Variants in GALNTL6 observed in about 807,000 individuals in gnomAD.
The protein encoded by GALNTL6 is polypeptide N-acetylgalactosaminyltransferase-like 6.
A neutral mutation model predicts 73.7 loss-of-function variants in GALNTL6; 46 were observed. The observed-to-expected ratio is 0.62, with a 90% CI of 0.49 to 0.80. The LOEUF (loss-of-function observed/expected upper bound fraction) is 0.80. GALNTL6 is among the 30% of genes least tolerant of loss of function. The pLI is 0.00. For synonymous variants in GALNTL6, 259 were observed against 263.7 expected (o/e 0.98, Z 0.17); for missense variants, 604 against 755.0 (o/e 0.80, Z 2.34).
intron 2 of GALNTL6, among the ~76,000 whole-genome samples, chr4:172,196,944 A>T (rs1434503440): frequency 6.6e-6 from 1 of 152,220 alleles, no homozygotes; most frequent in African/African-American, 2.4e-5. Flanking sequence ...CGCCAGGGGA[A>T]TCAGGCAAGA....
intron 8 of GALNTL6, among the ~76,000 whole-genome samples, chr4:172,884,357 T>G (rs1017431913): frequency 2.6e-5 from 4 of 152,216 alleles, no homozygotes; most frequent in Non-Finnish European, 5.9e-5. Flanking sequence ...TGATTTGCAT[T>G]TCTCTGATAA....
intron 7 of GALNTL6, among the ~76,000 whole-genome samples, chr4:172,869,961 T>C (rs1339613146): frequency 6.6e-6 from 1 of 152,156 alleles, no homozygotes; most frequent in Admixed American, 6.5e-5. Context: ...TGTTCTTAAC[T>C]TCTTTCGTTT....
chr4:172,315,669 T>C (rs920402631), intron 4 of GALNTL6, among the ~76,000 whole-genome samples: 7 of 152,222 alleles, frequency 4.6e-5, no homozygotes, highest in Non-Finnish European at 7.3e-5. Flanking sequence ...AGCCTGAATC[T>C]CTCCTTAGAA....
At chr4:172,119,979 C>T (rs964533051) in intron 2 of GALNTL6, among the ~76,000 whole-genome samples, 8 of 152,056 alleles carry the variant, frequency 5.3e-5, no homozygotes, top group Non-Finnish European at 1.2e-4. Context: ...CCTACCTGCT[C>T]AACACATTTT....
chr4:172,615,966 T>TA (rs1407734909), intron 5 of GALNTL6, among the ~76,000 whole-genome samples: 1 of 152,176 alleles, frequency 6.6e-6, no homozygotes, highest in Non-Finnish European at 1.5e-5. Context: ...AATGAAGTAT[T>TA]AAAATGTTGT....
intron 2 of GALNTL6, among the ~76,000 whole-genome samples, chr4:171,909,811 A>G (rs1737419569): frequency 6.6e-6 from 1 of 152,146 alleles, no homozygotes; most frequent in Non-Finnish European, 1.5e-5. Flanking sequence ...GTATGACTGC[A>G]TTGTAAACCA....
chr4:172,653,570 T>G (rs1740598698), intron 5 of GALNTL6, among the ~76,000 whole-genome samples: 1 of 152,146 alleles, frequency 6.6e-6, no homozygotes, highest in African/African-American at 2.4e-5. Context: ...TTCCTTGTCT[T>G]AGTTCAACAT....
At chr4:172,638,753 A>C (rs1305552909) in intron 5 of GALNTL6, among the ~76,000 whole-genome samples, 1 of 152,162 alleles carries the variant, frequency 6.6e-6, no homozygotes. Flanking sequence ...GAGTTGTCTC[A>C]CTAATATTTT....
intron 5 of GALNTL6, among the ~76,000 whole-genome samples, chr4:172,731,431 C>T (rs899871927): frequency 5.3e-5 from 8 of 151,778 alleles, no homozygotes; most frequent in Non-Finnish European, 2.9e-5. Flanking sequence ...TATTTATTTG[C>T]GTCTTCTCTC....
intron 5 of GALNTL6, among the ~76,000 whole-genome samples, chr4:172,455,517 G>A (rs1732362661): frequency 6.6e-6 from 1 of 152,142 alleles, no homozygotes; most frequent in South Asian, 2.1e-4. Context: ...TCGAGCTTGG[G>A]TCGGGGAAAG....
At chr4:172,913,552 C>G (rs1265336715) in intron 8 of GALNTL6, among the ~76,000 whole-genome samples, 3 of 152,118 alleles carry the variant, frequency 2.0e-5, no homozygotes, top group Non-Finnish European at 2.9e-5. Context: ...CTTAAATGAC[C>G]TGATGGAGCT....
At chr4:172,984,286 G>T (rs891938776) in intron 10 of GALNTL6, among the ~76,000 whole-genome samples, 1 of 152,122 alleles carries the variant, frequency 6.6e-6, no homozygotes, top group Non-Finnish European at 1.5e-5. Context: ...TACAATCATG[G>T]CTGAAAGCAG....
chr4:172,335,007 G>A (rs1242068733), intron 4 of GALNTL6, among the ~76,000 whole-genome samples: 1 of 148,616 alleles, frequency 6.7e-6, no homozygotes, highest in Admixed American at 6.7e-5. Context: ...TTGAGACAGA[G>A]TCTCGCTCTG....
intron 2 of GALNTL6, among the ~76,000 whole-genome samples, chr4:171,907,038 A>G (rs1339796449): frequency 6.6e-6 from 1 of 152,146 alleles, no homozygotes; most frequent in African/African-American, 2.4e-5. Context: ...AGCCAATATC[A>G]TACTGAATGG....
chr4:172,532,040 C>G (rs572966771), intron 5 of GALNTL6, among the ~76,000 whole-genome samples: 3 of 152,140 alleles, frequency 2.0e-5, no homozygotes, highest in Non-Finnish European at 4.4e-5. Context: ...GATTCTTGTG[C>G]GGCTGACGTG....
rs545383043 is a variant in GALNTL6 at position 172,158,686 on chromosome 4, T to C, written c.139-70970T>C. On this transcript the variant is annotated intron_variant, in intron 2 of 12. Transcript: ENST00000506823. Reference sequence around the variant, plus strand: ...AGTTAAACAGGGTCCATTTATATAATAGAATTTATGAAGTCTAATTTGTGC... The same window carrying C: ...AGTTAAACAGGGTCCATTTATATAACAGAATTTATGAAGTCTAATTTGTGC... Among the ~76,000 whole-genome samples the C allele has an allele frequency of 8.5e-5, 13 of 152,252 alleles. No individual in the cohort carries two copies. In the South Asian group the frequency reaches 1.9e-3, roughly 22 times the overall value.
At chr4:172,446,340 T>C (rs956096910) in intron 5 of GALNTL6, among the ~76,000 whole-genome samples, 5 of 152,220 alleles carry the variant, frequency 3.3e-5, no homozygotes, top group South Asian at 4.1e-4. Flanking sequence ...TCCTTATGAA[T>C]AATAATTTTT....
At chr4:172,332,332 C>T (rs1184663134) in intron 4 of GALNTL6, among the ~76,000 whole-genome samples, 1 of 151,996 alleles carries the variant, frequency 6.6e-6, no homozygotes, top group Non-Finnish European at 1.5e-5. Flanking sequence ...GTGTCCGTCA[C>T]TTGAGTGCAA....
intron 10 of GALNTL6, among the ~76,000 whole-genome samples, chr4:172,996,959 A>G (rs968493685): frequency 2.0e-5 from 3 of 152,060 alleles, no homozygotes; most frequent in African/African-American, 7.2e-5. Context: ...AGCCTCCCCT[A>G]GAGTCAAGCC....
Sources: gnomAD v4.1 joint callset for allele counts (sites outside exome capture counted in the v4.1 genomes callset) on GRCh38, gnomAD v4.1.1 for gene constraint, MANE v1.5 for transcripts, NCBI Gene and HGNC (gene_info 2026-07-23, HGNC 2026-07-21) for gene names.